The following XPO6 variants were observed in gnomAD, a reference collection of about 807,000 sequenced individuals.
XPO6 encodes the protein exportin-6.
In XPO6, 3 loss-of-function variants were observed where a neutral mutation model predicts 130.0. That is an observed-to-expected ratio of 0.02 (90% CI 0.01 to 0.06). The LOEUF (loss-of-function observed/expected upper bound fraction) is 0.06, where lower values mean the gene tolerates loss of function less well. Ranked by LOEUF, XPO6 falls within the 10% of genes least tolerant of loss-of-function variation. The pLI is 1.00. For synonymous variants in XPO6, 524 were observed against 548.9 expected (o/e 0.95, Z 0.63); for missense variants, 970 against 1,393.0 (o/e 0.70, Z 4.83).
intron 18 of XPO6, among the ~76,000 whole-genome samples, chr16:28,107,232 C>T (rs944909368): frequency 2.0e-5 from 3 of 152,180 alleles, no homozygotes; most frequent in East Asian, 3.9e-4. Context: ...GGAACGATCT[C>T]GGCAAATGCA....
intron 1 of XPO6, among the ~76,000 whole-genome samples, chr16:28,189,630 G>T (rs867859388): frequency 6.6e-6 from 1 of 151,836 alleles, no homozygotes; most frequent in Non-Finnish European, 1.5e-5. Flanking sequence ...GACAACCACA[G>T]CATGTAACAG....
At chr16:28,184,784 T>G in intron 1 of XPO6, among the ~76,000 whole-genome samples, 1 of 152,144 alleles carries the variant, frequency 6.6e-6, no homozygotes, top group Non-Finnish European at 1.5e-5. Flanking sequence ...CGACTGACAA[T>G]AATAAGTGTT....
chr16:28,162,283 T>A (rs1381694086), intron 6 of XPO6, among the ~76,000 whole-genome samples: 1 of 152,246 alleles, frequency 6.6e-6, no homozygotes, highest in Non-Finnish European at 1.5e-5. Flanking sequence ...CAAATTTAAA[T>A]GTTTCAAGGT....
intron 9 of XPO6, among the ~76,000 whole-genome samples, chr16:28,144,783 TTAA>T (rs948958437): frequency 6.6e-6 from 1 of 152,206 alleles, no homozygotes; most frequent in African/African-American, 2.4e-5. Flanking sequence ...GTTATTTCAA[TTAA>T]TGTCTCAACA....
chr16:28,127,370 C>A (rs1030061246), intron 12 of XPO6, among the ~76,000 whole-genome samples: 2 of 152,152 alleles, frequency 1.3e-5, no homozygotes, highest in Non-Finnish European at 2.9e-5. Context: ...GGAGATAAAC[C>A]GATGATTTAC....
chr16:28,123,806 C>T (rs2087315119), intron 13 of XPO6, among the ~76,000 whole-genome samples: 1 of 152,134 alleles, frequency 6.6e-6, no homozygotes, highest in South Asian at 2.1e-4. Flanking sequence ...TTTAGCAGTT[C>T]TAATATTAGC....
At chr16:28,105,989 C>T in intron 20 of XPO6, 54 bp downstream of exon 20, 1 of 1,578,592 alleles carries the variant, frequency 6.3e-7, no homozygotes, top group Non-Finnish European at 8.6e-7. Flanking sequence ...AATCTCATTC[C>T]CTTCCCAATC....
intron 5 of XPO6, among the ~76,000 whole-genome samples, chr16:28,169,143 A>G (rs2043409834): frequency 6.6e-6 from 1 of 152,174 alleles, no homozygotes; most frequent in African/African-American, 2.4e-5. Context: ...TCTCCCTAGC[A>G]AACAGGTATC....
intron 2 of XPO6, among the ~76,000 whole-genome samples, chr16:28,177,588 C>T (rs2043552537): frequency 6.6e-6 from 1 of 152,142 alleles, no homozygotes; most frequent in Non-Finnish European, 1.5e-5. Context: ...GGCAGAGAAA[C>T]TTTCACTGCT....
intron 1 of XPO6, among the ~76,000 whole-genome samples, chr16:28,200,963 C>A (rs1214998442): frequency 1.3e-5 from 2 of 152,062 alleles, no homozygotes; most frequent in Non-Finnish European, 2.9e-5. Flanking sequence ...CCATTTCCTT[C>A]CCTTCCCATT....
intron 1 of XPO6, among the ~76,000 whole-genome samples, chr16:28,203,275 CAAA>C (rs1217549078): frequency 2.6e-5 from 2 of 76,210 alleles, no homozygotes. Context: ...GACCCCATCT[CAAA>C]AAAAAAAAAA....
Position 28,101,980 on chromosome 16 carries a change from G to C in XPO6, c.2947-35C>G. On this transcript the variant is annotated intron_variant, in intron 21 of 23. Coordinates refer to ENST00000304658, the MANE Select transcript of XPO6 (RefSeq NM_015171.4). This position sits in a 1 kb window ranked among gnomAD's most constrained non-coding sequence, Gnocchi z 5.4. ...GAGACCACCATTTTATAAACTGCAA[G>C]ACCAAGCACTTCTGGAGCATCTACC... 1 of 1,573,312 alleles carries C rather than the reference G, an allele frequency of 6.4e-7. No individual in the cohort carries two copies. Among genetic ancestry groups the C allele is most frequent in the South Asian group, 1.1e-5 (1 of 89,382 alleles).
chr16:28,153,664 A>G, intron 7 of XPO6: 4 of 985,456 alleles, frequency 4.1e-6, no homozygotes, highest in Non-Finnish European at 4.8e-6. Flanking sequence ...AAATACCAAA[A>G]GGTGATTAGA....
At chr16:28,146,619 A>G (rs756897931) in intron 8 of XPO6, among the ~76,000 whole-genome samples, 23 of 152,224 alleles carry the variant, frequency 1.5e-4, no homozygotes, top group Non-Finnish European at 1.5e-5. Context: ...TGCTCTTTCC[A>G]TTACAAACCA....
At chr16:28,195,977 C>T (rs535352987) in intron 1 of XPO6, among the ~76,000 whole-genome samples, 1 of 152,194 alleles carries the variant, frequency 6.6e-6, no homozygotes. Context: ...CTCCAATTTG[C>T]ACTCCAAATC....
At chr16:28,128,552 A>G (rs1455358681) in intron 12 of XPO6, among the ~76,000 whole-genome samples, 2 of 152,328 alleles carry the variant, frequency 1.3e-5, no homozygotes, top group Non-Finnish European at 2.9e-5. Flanking sequence ...CAAGGGGAAC[A>G]CTGTATTTGT....
chr16:28,142,079 C>G (rs1313470067), intron 9 of XPO6, among the ~76,000 whole-genome samples: 2 of 152,228 alleles, frequency 1.3e-5, no homozygotes, highest in East Asian at 3.8e-4. Flanking sequence ...CCACAGGGGA[C>G]AGGAAATGAG....
chr16:28,170,236 G>T (rs1459144916), intron 4 of XPO6, among the ~76,000 whole-genome samples: 1 of 151,348 alleles, frequency 6.6e-6, no homozygotes, highest in Non-Finnish European at 1.5e-5. Context: ...GGAGGCTGAG[G>T]CAGGAGAATC....
At chr16:28,125,944 A>AC in intron 12 of XPO6, 96 bp from the exon 13 acceptor site, 3 of 1,489,174 alleles carry the variant, frequency 2.0e-6, no homozygotes, top group Non-Finnish European at 2.7e-6. Flanking sequence ...CAGCAAAACC[A>AC]GCAGCAAAAC....
Sources: gnomAD v4.1 joint callset for allele counts (sites outside exome capture counted in the v4.1 genomes callset) on GRCh38, gnomAD v4.1.1 for gene constraint, Gnocchi (gnomAD v3.1) non-coding constraint, MANE v1.5 for transcripts, NCBI Gene and HGNC (gene_info 2026-07-23, HGNC 2026-07-21) for gene names.